The following EDN1 variants were observed in gnomAD, a reference collection of about 807,000 sequenced individuals.
EDN1 encodes endothelin-1.
Under a neutral mutation model 21.7 loss-of-function variants are expected in EDN1, and 11 were observed. That is an observed-to-expected ratio of 0.51 (90% CI 0.32 to 0.84). The LOEUF (loss-of-function observed/expected upper bound fraction) is 0.84, where lower values mean the gene tolerates loss of function less well. Ranked by LOEUF, EDN1 falls within the 40% of genes least tolerant of loss-of-function variation. EDN1 has a pLI of 0.03. For missense variants in EDN1, 244 were observed against 262.3 expected, an observed-to-expected ratio of 0.93 and a Z score of 0.48; for synonymous variants, 85 against 90.6, an observed-to-expected ratio of 0.94 and a Z score of 0.35.
At chr6:12,294,849 G>A (rs537108707) in intron 4 of EDN1, among the ~76,000 whole-genome samples, 1 of 150,530 alleles carries the variant, frequency 6.6e-6, no homozygotes, top group Non-Finnish European at 1.5e-5. Flanking sequence ...TATTCAGATG[G>A]CCAAAGGAAA....
chr6:12,243,005 C>T, the EDN1 span, among the ~76,000 whole-genome samples: 1 of 152,124 alleles, frequency 6.6e-6, no homozygotes, highest in Non-Finnish European at 1.5e-5. Flanking sequence ...GGGGCACCAA[C>T]TCTCCTTGCA....
upstream of EDN1, among the ~76,000 whole-genome samples, chr6:12,288,054 T>C (rs1381941111): frequency 6.6e-6 from 1 of 151,996 alleles, no homozygotes; most frequent in Non-Finnish European, 1.5e-5. Context: ...TGCTGGAACC[T>C]GCAGGGGCAG....
the EDN1 span, among the ~76,000 whole-genome samples, chr6:12,237,768 T>C: frequency 1.9e-4 from 29 of 152,216 alleles, no homozygotes; most frequent in Admixed American, 1.3e-3. Context: ...TGCAGAGAAT[T>C]GTCTCTACTA....
the EDN1 span, among the ~76,000 whole-genome samples, chr6:12,248,579 A>T: frequency 6.6e-6 from 1 of 152,100 alleles, no homozygotes; most frequent in African/African-American, 2.4e-5. Context: ...GAATAGCCAC[A>T]CTCCACTGAA....
At chr6:12,249,249 T>A in the EDN1 span, among the ~76,000 whole-genome samples, 1 of 152,150 alleles carries the variant, frequency 6.6e-6, no homozygotes, top group African/African-American at 2.4e-5. Flanking sequence ...GATGAGACAT[T>A]TAGTTTTTCT....
the EDN1 span, among the ~76,000 whole-genome samples, chr6:12,271,718 T>C: frequency 1.3e-5 from 2 of 152,362 alleles, no homozygotes; most frequent in East Asian, 1.9e-4. Flanking sequence ...TTGCTTCCAA[T>C]TGGAATACTT....
At chr6:12,246,732 A>G in the EDN1 span, among the ~76,000 whole-genome samples, 5 of 89,958 alleles carry the variant, frequency 5.6e-5, no homozygotes, top group South Asian at 4.8e-4. Context: ...ATGAAAAGTG[A>G]TGTAAACTCT....
At chr6:12,255,879 A>C in the EDN1 span, among the ~76,000 whole-genome samples, 1 of 152,236 alleles carries the variant, frequency 6.6e-6, no homozygotes, top group South Asian at 2.1e-4. Context: ...TTTAAAGAGG[A>C]CAGTAAATCT....
At chr6:12,273,504 A>G in the EDN1 span, among the ~76,000 whole-genome samples, 1 of 152,188 alleles carries the variant, frequency 6.6e-6, no homozygotes, top group Non-Finnish European at 1.5e-5. Context: ...CTATAACAGT[A>G]AAGAAAATTT....
At chr6:12,274,182 C>T in the EDN1 span, among the ~76,000 whole-genome samples, 154 of 152,128 alleles carry the variant, frequency 1.0e-3, no homozygotes, top group African/African-American at 3.5e-3. Flanking sequence ...ATTTACTAGG[C>T]CAGCTAAAAC....
chr6:12,249,365 A>G, the EDN1 span, among the ~76,000 whole-genome samples: 1 of 152,138 alleles, frequency 6.6e-6, no homozygotes, highest in Non-Finnish European at 1.5e-5. Context: ...ACTACATTAT[A>G]TGGATTGTAA....
chr6:12,291,002 T>C (rs10478701), intron 1 of EDN1, among the ~76,000 whole-genome samples: 2,829 of 152,328 alleles, frequency 0.019, 80 homozygotes, highest in African/African-American at 0.065. Flanking sequence ...ACATATACAA[T>C]TTAGTCAAAT....
chr6:12,285,901 T>G (rs1218016529), upstream of EDN1, among the ~76,000 whole-genome samples: 1 of 152,232 alleles, frequency 6.6e-6, no homozygotes, highest in African/African-American at 2.4e-5. Flanking sequence ...GTATAATGAT[T>G]AAATGTTTAG....
the EDN1 span, among the ~76,000 whole-genome samples, chr6:12,278,553 T>C: frequency 7.2e-5 from 11 of 152,202 alleles, no homozygotes; most frequent in African/African-American, 2.7e-4. Flanking sequence ...ACACATACCA[T>C]ACATGTCGCA....
the EDN1 span, among the ~76,000 whole-genome samples, chr6:12,267,217 T>C: frequency 6.6e-6 from 1 of 152,214 alleles, no homozygotes; most frequent in East Asian, 1.9e-4. Context: ...GTGTCACATT[T>C]TGGTAATTCT....
chr6:12,268,333 C>T, the EDN1 span, among the ~76,000 whole-genome samples: 3 of 152,260 alleles, frequency 2.0e-5, no homozygotes, highest in Non-Finnish European at 2.9e-5. Flanking sequence ...AGAATAATCC[C>T]ATTTAACTAC....
the EDN1 span, among the ~76,000 whole-genome samples, chr6:12,253,055 T>C: frequency 3.9e-5 from 6 of 152,152 alleles, no homozygotes. Flanking sequence ...CAAACTATAA[T>C]CTATGTTTAT....
At chr6:12,254,997 T>A in the EDN1 span, among the ~76,000 whole-genome samples, 1 of 152,190 alleles carries the variant, frequency 6.6e-6, no homozygotes, top group Non-Finnish European at 1.5e-5. Context: ...AAAAAATGGA[T>A]ACTAACCTGG....
chr6:12,289,355 G>A (rs1052363419), upstream of EDN1, among the ~76,000 whole-genome samples: 1 of 152,064 alleles, frequency 6.6e-6, no homozygotes, highest in African/African-American at 2.4e-5. Flanking sequence ...CTGCTTGTGC[G>A]GGGAATAAAT....
Sources: gnomAD v4.1 joint callset for allele counts (sites outside exome capture counted in the v4.1 genomes callset) on GRCh38, gnomAD v4.1.1 for gene constraint, MANE v1.5 for transcripts, NCBI Gene and HGNC (gene_info 2026-07-23, HGNC 2026-07-21) for gene names.